ATG5: variants seen among roughly 807,000 people sequenced by gnomAD.
The protein encoded by ATG5 is autophagy protein 5.
ATG5 carries 14 observed loss-of-function variants against 36.5 expected under a neutral mutation model. The observed-to-expected ratio is 0.38, with a 90% CI of 0.25 to 0.60. The LOEUF is 0.60. Ranked by LOEUF, ATG5 falls within the 20% of genes least tolerant of loss-of-function variation. ATG5 has a pLI of 0.60. For synonymous variants in ATG5, 95 were observed against 101.5 expected (o/e 0.94, Z 0.38); for missense variants, 195 against 326.7 (o/e 0.60, Z 3.11).
intron 7 of ATG5, among the ~76,000 whole-genome samples, chr6:106,200,050 C>A (rs1422510233): frequency 6.6e-6 from 1 of 152,136 alleles, no homozygotes; most frequent in Non-Finnish European, 1.5e-5. Flanking sequence ...ATTGTAGGTG[C>A]CCTTCCCCTT....
chr6:106,309,822 A>G (rs1582684830), intron 2 of ATG5, among the ~76,000 whole-genome samples: 1 of 152,290 alleles, frequency 6.6e-6, no homozygotes, highest in Non-Finnish European at 1.5e-5. Flanking sequence ...TATTAGTCTA[A>G]TAAGGTCTCT....
At chr6:106,243,530 G>GAAAAAAAAAAAAAAAA (rs1554218336) in intron 6 of ATG5, among the ~76,000 whole-genome samples, 1 of 133,342 alleles carries the variant, frequency 7.5e-6, no homozygotes. Flanking sequence ...CCTCTCTGGG[G>GAAAAAAAAAAAAAAAA]AAAAAAAAAA....
At chr6:106,233,173 C>G (rs2114470070) in intron 6 of ATG5, among the ~76,000 whole-genome samples, 1 of 152,328 alleles carries the variant, frequency 6.6e-6, no homozygotes, top group African/African-American at 2.4e-5. Context: ...CTGCTCACAG[C>G]AGGTTAAATA....
intron 3 of ATG5, among the ~76,000 whole-genome samples, chr6:106,304,880 T>C (rs990462602): frequency 6.6e-6 from 1 of 152,078 alleles, no homozygotes; most frequent in Admixed American, 6.6e-5. Flanking sequence ...GCACCTAAGC[T>C]CAGGAGTTCA....
At chr6:106,260,353 C>A (rs115914313) in intron 5 of ATG5, among the ~76,000 whole-genome samples, 1 of 152,064 alleles carries the variant, frequency 6.6e-6, no homozygotes, top group Middle Eastern at 3.2e-3. Context: ...AAAATTAACT[C>A]CAATTTGAAA....
intron 6 of ATG5, 143 bp downstream of exon 6, chr6:106,248,007 T>C (rs1171637024): frequency 1.7e-6 from 1 of 578,472 alleles, no homozygotes; most frequent in African/African-American, 1.9e-5. Context: ...TCTGACTTGA[T>C]TGCCACTGAA....
chr6:106,194,545 C>T (rs28615893), intron 7 of ATG5, among the ~76,000 whole-genome samples: 3 of 138,934 alleles, frequency 2.2e-5, no homozygotes, highest in African/African-American at 8.0e-5. Context: ...TTTTCTTTTT[C>T]TTTTTTTTTT....
At chr6:106,282,532 C>A (rs745604079) in intron 4 of ATG5, among the ~76,000 whole-genome samples, 10 of 152,144 alleles carry the variant, frequency 6.6e-5, no homozygotes, top group Non-Finnish European at 1.3e-4. Context: ...ACATACGATG[C>A]ATTATGGAAG....
chr6:106,292,815 A>C (rs759244600), intron 4 of ATG5, among the ~76,000 whole-genome samples: 10 of 152,240 alleles, frequency 6.6e-5, no homozygotes, highest in Admixed American at 1.3e-4. Context: ...CTAATAAAGA[A>C]AAGCAGTTCA....
intron 6 of ATG5, among the ~76,000 whole-genome samples, chr6:106,240,193 CT>C (rs1314186465): frequency 6.6e-6 from 1 of 151,170 alleles, no homozygotes; most frequent in African/African-American, 2.4e-5. Flanking sequence ...CCACATACTA[CT>C]AAGAAAAAGA....
At chr6:106,189,829 G>C (rs1354793265) in intron 7 of ATG5, among the ~76,000 whole-genome samples, 5 of 152,006 alleles carry the variant, frequency 3.3e-5, no homozygotes, top group Admixed American at 2.0e-4. Context: ...AAATGTTACT[G>C]TATGCCTCTC....
At chr6:106,209,855 T>A (rs983520242) in intron 6 of ATG5, among the ~76,000 whole-genome samples, 2 of 152,216 alleles carry the variant, frequency 1.3e-5, no homozygotes, top group African/African-American at 4.8e-5. Flanking sequence ...ATAAAAATTT[T>A]TTTCAAAATT....
chr6:106,262,193 C>T (rs1244633000), intron 5 of ATG5, among the ~76,000 whole-genome samples: 1 of 152,188 alleles, frequency 6.6e-6, no homozygotes. Context: ...CTGCCTCAGC[C>T]TCCTGAGTAG....
At chr6:106,203,902 G>A (rs1317836865) in intron 6 of ATG5, among the ~76,000 whole-genome samples, 3 of 152,178 alleles carry the variant, frequency 2.0e-5, no homozygotes, top group African/African-American at 7.2e-5. Context: ...TGACACAACT[G>A]TTAGAGATTT....
chr6:106,290,357 G>T (rs911645709), intron 4 of ATG5, among the ~76,000 whole-genome samples: 1 of 151,076 alleles, frequency 6.6e-6, no homozygotes, highest in Non-Finnish European at 1.5e-5. Context: ...GTTTTGCCCT[G>T]TCACCCAGGA....
intron 6 of ATG5, among the ~76,000 whole-genome samples, chr6:106,226,436 TG>T (rs1380632610): frequency 6.6e-6 from 1 of 151,600 alleles, no homozygotes; most frequent in Non-Finnish European, 1.5e-5. Context: ...AGCCACAAAC[TG>T]GGGGGAAAAA....
At chr6:106,267,603 C>T (rs112835951) in intron 5 of ATG5, among the ~76,000 whole-genome samples, 17,443 of 152,204 alleles carry the variant, frequency 0.11, 1,096 homozygotes, top group African/African-American at 0.16. Context: ...TACAAGGCCA[C>T]AGTAACCAAA....
chr6:106,223,866 T>C (rs556520485), intron 6 of ATG5, among the ~76,000 whole-genome samples: 32 of 152,348 alleles, frequency 2.1e-4, no homozygotes, highest in African/African-American at 7.5e-4. Context: ...AACAATAAGC[T>C]AAACAATGTA....
At chr6:106,293,379 G>A (rs1047434175) in intron 3 of ATG5, among the ~76,000 whole-genome samples, 1 of 152,176 alleles carries the variant, frequency 6.6e-6, no homozygotes, top group African/African-American at 2.4e-5. Flanking sequence ...CATGTGAACT[G>A]TTATGTCACA....
Sources: allele counts gnomAD v4.1 joint callset (sites outside exome capture counted in the v4.1 genomes callset), GRCh38; gene constraint gnomAD v4.1.1; transcripts MANE v1.5; gene names NCBI Gene and HGNC (gene_info 2026-07-23, HGNC 2026-07-21).